The following PELI2 variants were observed in gnomAD, a reference collection of about 807,000 sequenced individuals.
PELI2 encodes the protein pellino E3 ubiquitin protein ligase family member 2.
A neutral mutation model predicts 42.3 loss-of-function variants in PELI2; 23 were observed. The observed-to-expected ratio is 0.54, with a 90% CI of 0.39 to 0.77. The LOEUF (loss-of-function observed/expected upper bound fraction) is 0.77, where lower values mean the gene tolerates loss of function less well. Among genes scored for constraint, PELI2 ranks in the 30% least tolerant of loss-of-function variants. PELI2 has a pLI of 0.00. For synonymous variants in PELI2, 245 were observed against 212.2 expected (o/e 1.15, Z -1.34); for missense variants, 463 against 553.2 (o/e 0.84, Z 1.64).
At chr14:56,188,417 T>C (rs970704379) in intron 2 of PELI2, among the ~76,000 whole-genome samples, 3 of 152,224 alleles carry the variant, frequency 2.0e-5, no homozygotes, top group Non-Finnish European at 4.4e-5. Context: ...AATCTTGGAT[T>C]ATACTATGAA....
chr14:56,168,139 G>A lies in PELI2; in HGVS notation c.78-10196G>A, dbSNP rs146096906. Among the ~76,000 whole-genome samples, 15 of 152,314 alleles carry A rather than the reference G, an allele frequency of 9.8e-5. 1 individual carries two copies. The highest frequency in any genetic ancestry group is 3.4e-3 in the Middle Eastern group (1 of 294). On this transcript the variant is annotated intron_variant, in intron 1 of 5. Coordinates refer to ENST00000267460, the MANE Select transcript of PELI2 (RefSeq NM_021255.3). ...AGACCTGGAGCCAGCACAGCATTGG[G>A]TCTTGCCCAAGGCCTGCTGTAACTA... is the stretch of plus-strand genomic sequence containing the variant.
At chr14:56,241,314 G>C (rs1349283130) in intron 2 of PELI2, among the ~76,000 whole-genome samples, 4 of 152,102 alleles carry the variant, frequency 2.6e-5, no homozygotes, top group Non-Finnish European at 4.4e-5. Context: ...TAGAACAATT[G>C]GGGGGGAAAA....
rs997847650 is a variant in PELI2, at chr14:56,178,561, G to A, written c.207+97G>A. 2.9e-6 allele frequency: 4 copies of A among 1,358,460 alleles called. No homozygotes were observed. In the Admixed American group the frequency reaches 7.0e-5, roughly 24 times the overall value. 84.2% of individuals were successfully genotyped at this position (1,358,460 alleles called of 1,614,324 possible). A position where few individuals can be genotyped will look rare whatever the true frequency, so the allele number is the denominator to read the frequency against. ...CTCTTTCCTTTCGTCTTTTCATGTA[G>A]GACAGTCTCTCAGACCATTTGAGGC... On this transcript the variant is annotated intron_variant, in intron 2 of 5. Coordinates refer to ENST00000267460, the MANE Select transcript of PELI2 (RefSeq NM_021255.3).
rs532446533 is a variant in PELI2 at position 56,219,156 on chromosome 14, T to C, written c.207+40692T>C. Reference sequence around the variant, plus strand: ...GTCTCTTAATTCCTTTTTTATTTTTTTTTGGATGACTTGAGGACAATAAGG... The same window carrying C: ...GTCTCTTAATTCCTTTTTTATTTTTCTTTGGATGACTTGAGGACAATAAGG... On this transcript the variant is annotated intron_variant, in intron 2 of 5. Coordinates refer to ENST00000267460, the MANE Select transcript of PELI2 (RefSeq NM_021255.3). This position sits in a 1 kb window ranked among gnomAD's most constrained non-coding sequence, Gnocchi z 4.1. 6.6e-6 allele frequency among the ~76,000 whole-genome samples: 1 copy of C among 152,044 alleles called. No homozygotes were observed. The highest frequency in any genetic ancestry group is 1.9e-4 in the East Asian group (1 of 5,156).
chr14:56,148,589 T>C (rs567502967), intron 1 of PELI2, among the ~76,000 whole-genome samples: 1 of 152,306 alleles, frequency 6.6e-6, no homozygotes, highest in African/African-American at 2.4e-5. Context: ...GCTCCGAACA[T>C]ATACATTCAG....
rs1157530250 is a variant in PELI2 at position 56,180,418 on chromosome 14, G to A, written c.207+1954G>A. On this transcript the variant is annotated intron_variant, in intron 2 of 5. Coordinates refer to ENST00000267460, the MANE Select transcript of PELI2 (RefSeq NM_021255.3). The surrounding 1 kb of genome is among the most constrained non-coding windows in gnomAD (Gnocchi z 4.4). ...TGAGTAACCAGGTTTTGAGAGAGAGGAGAACTGGAGTATCAACAACAGTGC... is the reference window on the plus strand; with the variant it reads ...TGAGTAACCAGGTTTTGAGAGAGAGAAGAACTGGAGTATCAACAACAGTGC... Among the ~76,000 whole-genome samples the A allele has an allele frequency of 6.6e-6, 1 of 152,146 alleles. No individual in the cohort carries two copies. Among genetic ancestry groups the A allele is most frequent in the Non-Finnish European group, 1.5e-5 (1 of 68,040 alleles).
intron 2 of PELI2, among the ~76,000 whole-genome samples, chr14:56,181,584 C>G (rs1372573617): frequency 6.6e-6 from 1 of 152,088 alleles, no homozygotes; most frequent in Non-Finnish European, 1.5e-5. Context: ...TTTTGGCTGT[C>G]TTGTTTCTTC....
At chr14:56,174,415 C>T (rs1318008158) in intron 1 of PELI2, among the ~76,000 whole-genome samples, 1 of 152,124 alleles carries the variant, frequency 6.6e-6, no homozygotes, top group Non-Finnish European at 1.5e-5. Context: ...CTTTTCATTC[C>T]CCTTAGGGTA....
intron 2 of PELI2, among the ~76,000 whole-genome samples, chr14:56,254,563 T>A (rs910913994): frequency 6.6e-6 from 1 of 152,062 alleles, no homozygotes; most frequent in Non-Finnish European, 1.5e-5. Context: ...AGCAATACCA[T>A]TCAGGGCATA....
intron 2 of PELI2, among the ~76,000 whole-genome samples, chr14:56,254,639 A>ATGG (rs1183666080): frequency 6.6e-6 from 1 of 152,198 alleles, no homozygotes; most frequent in Non-Finnish European, 1.5e-5. Flanking sequence ...AAATTGACAA[A>ATGG]TGGGATCTAA....
At chr14:56,131,077 T>C (rs1381717205) in intron 1 of PELI2, among the ~76,000 whole-genome samples, 1 of 152,226 alleles carries the variant, frequency 6.6e-6, no homozygotes, top group African/African-American at 2.4e-5. Context: ...TTCCTGTTAG[T>C]ATTGATTAAG....
chr14:56,195,693 A>G lies in PELI2; in HGVS notation c.207+17229A>G, dbSNP rs149325852. Among the ~76,000 whole-genome samples the G allele has an allele frequency of 5.4e-3, 819 of 152,324 alleles. 45 individuals are homozygous for G. Among genetic ancestry groups the G allele is most frequent in the Admixed American group, 0.047 (726 of 15,302 alleles). ...CAAACACTGCAAACCCCTCATCCGG[A>G]GAAACTTTCCCACCTTGGCTGTGTT... On this transcript the variant is annotated intron_variant, in intron 2 of 5. Transcript: ENST00000267460.
At chr14:56,227,361 G>A (rs527891470) in intron 2 of PELI2, among the ~76,000 whole-genome samples, 9 of 152,354 alleles carry the variant, frequency 5.9e-5, no homozygotes, top group Middle Eastern at 3.4e-3. Context: ...GGGCCTGGTG[G>A]TGGCAGTGAA....
intron 2 of PELI2, among the ~76,000 whole-genome samples, chr14:56,204,981 G>A (rs1229804825): frequency 1.4e-5 from 2 of 144,032 alleles, no homozygotes; most frequent in Non-Finnish European, 3.0e-5. Context: ...AGTGAGCCGA[G>A]ACCATGCCAC....
chr14:56,138,137 C>T (rs1883752072), intron 1 of PELI2, among the ~76,000 whole-genome samples: 1 of 152,240 alleles, frequency 6.6e-6, no homozygotes, highest in Admixed American at 6.5e-5. Flanking sequence ...ATGCCTGCGT[C>T]TGTTAGGTGC....
chr14:56,214,781 G>T (rs1217702287), intron 2 of PELI2, among the ~76,000 whole-genome samples: 1 of 152,200 alleles, frequency 6.6e-6, no homozygotes, highest in Non-Finnish European at 1.5e-5. Context: ...GAAGTTTGAT[G>T]AGTGGGGAAA....
rs569814992 is a variant in PELI2, at chr14:56,181,788, T to C, written c.207+3324T>C. Among the ~76,000 whole-genome samples the C allele has an allele frequency of 1.5e-3, 229 of 151,434 alleles. 1 individual carries two copies. Among genetic ancestry groups the C allele is most frequent in the African/African-American group, 5.5e-3 (224 of 40,752 alleles). On this transcript the variant is annotated intron_variant, in intron 2 of 5. Transcript: ENST00000267460. Reference sequence around the variant, plus strand: ...TCTCTATTTGTGTAGTGTTTATTCATGTATGTATTTGCTCTTAGAATAATA... The same window carrying C: ...TCTCTATTTGTGTAGTGTTTATTCACGTATGTATTTGCTCTTAGAATAATA...
intron 2 of PELI2, among the ~76,000 whole-genome samples, chr14:56,261,293 C>T (rs1174900920): frequency 6.6e-6 from 1 of 152,084 alleles, no homozygotes; most frequent in African/African-American, 2.4e-5. Flanking sequence ...ATCTCTCTGC[C>T]CCAGCTGACA....
chr14:56,148,676 T>TC (rs973298878), intron 1 of PELI2, among the ~76,000 whole-genome samples: 2 of 152,236 alleles, frequency 1.3e-5, no homozygotes, highest in Non-Finnish European at 2.9e-5. Context: ...CCTCCTTTCT[T>TC]CTGTGTTCTC....
Sources: gnomAD v4.1 joint callset for allele counts (sites outside exome capture counted in the v4.1 genomes callset) on GRCh38, gnomAD v4.1.1 for gene constraint, Gnocchi (gnomAD v3.1) non-coding constraint, MANE v1.5 for transcripts, NCBI Gene and HGNC (gene_info 2026-07-23, HGNC 2026-07-21) for gene names.